TRPM3: variants seen among roughly 807,000 people sequenced by gnomAD.
The protein encoded by TRPM3 is long transient receptor potential channel 3.
In TRPM3, 77 loss-of-function variants were observed where a neutral mutation model predicts 181.2. The ratio of observed to expected loss-of-function variants is 0.42; its 90% CI spans 0.35 to 0.51. TRPM3 has a LOEUF of 0.51. TRPM3 is among the 20% of genes least tolerant of loss of function. TRPM3 has a pLI of 0.01. For missense variants in TRPM3, 1,759 were observed against 2,196.7 expected (o/e 0.80, Z 3.98); for synonymous variants, 745 against 796.4 (o/e 0.94, Z 1.09).
In TRPM3 at chr9:70,776,919, C is replaced by A. The variant is rs565267361; in HGVS notation, c.1148+7186G>T. Among the ~76,000 whole-genome samples, 3 of 152,254 alleles carry A rather than the reference C, an allele frequency of 2.0e-5. No individual in the cohort carries two copies. In the East Asian group the frequency reaches 5.8e-4, roughly 29 times the overall value. On this transcript the variant is annotated intron_variant, in intron 7 of 25. Transcript: ENST00000677713. ...TGGGTTTCATATACAGTTTCGTGGGCCCCACCCCACGTGCATCAAAGTCAG... is the reference window on the plus strand; with the variant it reads ...TGGGTTTCATATACAGTTTCGTGGGACCCACCCCACGTGCATCAAAGTCAG...
intron 1 of TRPM3, among the ~76,000 whole-genome samples, chr9:71,432,189 T>C (rs540057793): frequency 2.6e-4 from 39 of 152,262 alleles, no homozygotes; most frequent in Admixed American, 1.4e-3. Flanking sequence ...ACCATGATGT[T>C]ATCATACCAG....
At chr9:70,924,181 A>G (rs1037156433) in intron 1 of TRPM3, among the ~76,000 whole-genome samples, 1 of 152,012 alleles carries the variant, frequency 6.6e-6, no homozygotes, top group Non-Finnish European at 1.5e-5. Context: ...ACATCATCTA[A>G]TGCACAGAAA....
chr9:70,609,439 C>CCTAT (rs1217308343), intron 19 of TRPM3, among the ~76,000 whole-genome samples: 12 of 152,208 alleles, frequency 7.9e-5, no homozygotes, highest in East Asian at 1.9e-4. Context: ...TCGATAATAT[C>CCTAT]CTATCTTTTC....
intron 1 of TRPM3, among the ~76,000 whole-genome samples, chr9:71,282,070 AGGAAAGAAAG>A (rs1378820813): frequency 1.5e-4 from 8 of 54,884 alleles, no homozygotes; most frequent in African/African-American, 6.6e-4. Context: ...AGAGAAAGAA[AGGAAAGAAAG>A]GAAAGAAAGA....
intron 6 of TRPM3, chr9:70,826,610 GT>G: frequency 6.6e-6 from 1 of 152,356 alleles, no homozygotes. Context: ...TAACATCCCT[GT>G]TTTTGGAGGA....
intron 1 of TRPM3, among the ~76,000 whole-genome samples, chr9:71,148,505 T>C (rs975693108): frequency 6.6e-6 from 1 of 152,188 alleles, no homozygotes; most frequent in Non-Finnish European, 1.5e-5. Flanking sequence ...TAATCTCCTG[T>C]CTTGTCTTCT....
chr9:71,202,254 C>T (rs1052145487), intron 1 of TRPM3, among the ~76,000 whole-genome samples: 19 of 152,210 alleles, frequency 1.2e-4, no homozygotes, highest in African/African-American at 4.6e-4. Flanking sequence ...GGGGTGCCTC[C>T]CAGTTAGGCT....
chr9:70,549,427 G>T, intron 25 of TRPM3, 115 bp downstream of exon 25: 2 of 1,336,730 alleles, frequency 1.5e-6, no homozygotes, highest in Non-Finnish European at 2.0e-6. Context: ...TGATTTCTCA[G>T]ACAATAAAAA....
chr9:71,188,619 G>T (rs565726330), intron 1 of TRPM3, among the ~76,000 whole-genome samples: 1 of 151,902 alleles, frequency 6.6e-6, no homozygotes, highest in African/African-American at 2.4e-5. Flanking sequence ...TCCAGGAGCT[G>T]GGGAAAGAGT....
intron 1 of TRPM3, among the ~76,000 whole-genome samples, chr9:71,127,831 T>A (rs192822658): frequency 1.3e-3 from 205 of 152,294 alleles, no homozygotes; most frequent in African/African-American, 4.5e-3. Context: ...GGAAGTTATT[T>A]AATCTTATCA....
chr9:70,795,110 T>A (rs545520191), intron 6 of TRPM3, among the ~76,000 whole-genome samples: 3 of 152,330 alleles, frequency 2.0e-5, no homozygotes, highest in East Asian at 3.9e-4. Context: ...GCATAGCCTA[T>A]ATGAAAACAC....
intron 19 of TRPM3, among the ~76,000 whole-genome samples, chr9:70,609,248 A>G (rs975349774): frequency 9.9e-5 from 15 of 152,218 alleles, no homozygotes; most frequent in African/African-American, 3.4e-4. Context: ...TCCAAAGTCC[A>G]TGCTTGTCAC....
At chr9:71,408,180 CA>C (rs2093473183) in intron 1 of TRPM3, among the ~76,000 whole-genome samples, 1 of 152,100 alleles carries the variant, frequency 6.6e-6, no homozygotes, top group Non-Finnish European at 1.5e-5. Context: ...TTCTAAAAAC[CA>C]GAGCACCTCT....
chr9:71,342,547 GAA>G (rs960638919), intron 1 of TRPM3, among the ~76,000 whole-genome samples: 21 of 151,968 alleles, frequency 1.4e-4, no homozygotes, highest in Non-Finnish European at 2.6e-4. Flanking sequence ...TGAAAAATGT[GAA>G]GAGAAAAATA....
At chr9:71,388,455 T>C (rs1002246122) in intron 1 of TRPM3, among the ~76,000 whole-genome samples, 6 of 152,098 alleles carry the variant, frequency 3.9e-5, no homozygotes, top group African/African-American at 1.4e-4. Context: ...TTAGTGTACA[T>C]GCGTGGAATT....
intron 9 of TRPM3, among the ~76,000 whole-genome samples, chr9:70,661,355 A>G (rs895872267): frequency 7.9e-5 from 12 of 152,150 alleles, no homozygotes; most frequent in African/African-American, 2.9e-4. Flanking sequence ...AAAAGTTGAA[A>G]GCATTCTCCC....
At chr9:71,410,852 C>T (rs193232897) in intron 1 of TRPM3, among the ~76,000 whole-genome samples, 2 of 152,024 alleles carry the variant, frequency 1.3e-5, no homozygotes, top group Non-Finnish European at 2.9e-5. Context: ...CGCAAAAATC[C>T]TCAAAATACT....
intron 1 of TRPM3, among the ~76,000 whole-genome samples, chr9:71,134,205 G>A (rs2074608114): frequency 6.6e-6 from 1 of 152,058 alleles, no homozygotes; most frequent in Non-Finnish European, 1.5e-5. Context: ...GGGATCTTCG[G>A]TTCCATAATA....
intron 1 of TRPM3, among the ~76,000 whole-genome samples, chr9:71,129,297 A>T (rs1311620698): frequency 1.3e-5 from 2 of 152,198 alleles, no homozygotes; most frequent in Non-Finnish European, 1.5e-5. Flanking sequence ...GAGGCATAAA[A>T]TAAATGCAAA....
Sources: allele counts gnomAD v4.1 joint callset (sites outside exome capture counted in the v4.1 genomes callset), GRCh38; gene constraint gnomAD v4.1.1; transcripts MANE v1.5; gene names NCBI Gene and HGNC (gene_info 2026-07-23, HGNC 2026-07-21).